CDC42SE2: variants seen among roughly 807,000 people sequenced by gnomAD.
The protein encoded by CDC42SE2 is CDC42 small effector 2, also known as CDC42 small effector protein 2.
In CDC42SE2, 3 loss-of-function variants were observed where a neutral mutation model predicts 11.5. The observed-to-expected ratio is 0.26, with a 90% CI of 0.12 to 0.67. The LOEUF (loss-of-function observed/expected upper bound fraction) is 0.67. CDC42SE2 is among the 30% of genes least tolerant of loss of function. The probability of loss-of-function intolerance (pLI) is 0.80; values close to 1 mark genes in which losing one functional copy is unlikely to be tolerated. For synonymous variants in CDC42SE2, 33 were observed against 34.8 expected (o/e 0.95, Z 0.18); for missense variants, 82 against 106.8 (o/e 0.77, Z 1.02).
chr5:131,244,626 G>A (rs975319670), upstream of CDC42SE2, among the ~76,000 whole-genome samples: 3 of 152,124 alleles, frequency 2.0e-5, no homozygotes, highest in East Asian at 1.9e-4. Context: ...CAAGAGAATC[G>A]CTTGAACCCG....
intron 2 of CDC42SE2, among the ~76,000 whole-genome samples, chr5:131,339,583 G>C (rs1758660802): frequency 6.6e-6 from 1 of 152,084 alleles, no homozygotes; most frequent in Non-Finnish European, 1.5e-5. Flanking sequence ...AAGGCGGGCA[G>C]ATCATCTCAG....
intron 3 of CDC42SE2, among the ~76,000 whole-genome samples, chr5:131,364,409 G>A (rs1241186812): frequency 6.6e-6 from 1 of 152,190 alleles, no homozygotes; most frequent in Non-Finnish European, 1.5e-5. Context: ...AGAAGGCAGA[G>A]TGGCTGTGAG....
chr5:131,266,501 C>T (rs1354819828), intron 1 of CDC42SE2, among the ~76,000 whole-genome samples: 1 of 150,444 alleles, frequency 6.6e-6, no homozygotes, highest in Admixed American at 6.6e-5. Context: ...GCTCTGTCAC[C>T]CAGGCTAGAG....
intron 3 of CDC42SE2, among the ~76,000 whole-genome samples, chr5:131,380,644 C>G (rs1750294172): frequency 6.6e-6 from 1 of 152,176 alleles, no homozygotes; most frequent in Non-Finnish European, 1.5e-5. Context: ...TTCTCAGGAA[C>G]CTTGTAAGGT....
the CDC42SE2 span, among the ~76,000 whole-genome samples, chr5:131,238,124 A>AG: frequency 6.6e-6 from 1 of 151,444 alleles, no homozygotes; most frequent in Non-Finnish European, 1.5e-5. Flanking sequence ...TGCATGATGC[A>AG]TCTAAATAAA....
In CDC42SE2 at chr5:131,392,107, C is replaced by T. The variant is rs911542860; in HGVS notation, c.*1016C>T. On this transcript the variant is annotated 3_prime_UTR_variant, in exon 5 of 5. Coordinates refer to ENST00000505065, the MANE Select transcript of CDC42SE2 (RefSeq NM_001375635.1). The stretch of plus-strand genomic sequence containing the variant: ...GTTTAATCAGTATGGATCTGATCTT[C>T]GCATGATCTTTTTTGTGAATGCTAA... 3.3e-5 allele frequency: 5 copies of T among 152,540 alleles called. No individual in the cohort carries two copies. The highest frequency in any genetic ancestry group is 2.1e-4 in the South Asian group (1 of 4,824). 9.4% of individuals were successfully genotyped at this position (152,540 alleles called of 1,614,324 possible).
intron 2 of CDC42SE2, among the ~76,000 whole-genome samples, chr5:131,340,480 A>T (rs73786652): frequency 0.017 from 2,620 of 152,226 alleles, 72 homozygotes; most frequent in African/African-American, 0.06. Context: ...GTTAAGAGGG[A>T]ACTACTGTAT....
rs189481109 is a variant in CDC42SE2 at position 131,346,373 on chromosome 5, C to G, written c.-285-12836C>G. On this transcript the variant is annotated intron_variant, in intron 2 of 4. Transcript: ENST00000505065. ...CAATCCTAGTCTCTGATAAAACAGA[C>G]TTTAAACCAACAAAGATCAAAAGAG... Among the ~76,000 whole-genome samples, 100 of 152,244 alleles carry G rather than the reference C, an allele frequency of 6.6e-4. No homozygotes were observed. The East Asian group carries it at 0.019, about 28-fold the overall frequency.
intron 3 of CDC42SE2, among the ~76,000 whole-genome samples, chr5:131,368,703 A>G (rs1749931672): frequency 6.6e-6 from 1 of 152,142 alleles, no homozygotes; most frequent in East Asian, 1.9e-4. Context: ...CTGTGTACCC[A>G]TCTCTCAGCT....
At chr5:131,245,507 A>G (rs1391434410) in exon 1 of CDC42SE2, 2 of 152,236 alleles carry the variant, frequency 1.3e-5, no homozygotes, top group African/African-American at 4.8e-5. Flanking sequence ...GTTGTCACAC[A>G]CTGCTGTCCC....
intron 1 of CDC42SE2, among the ~76,000 whole-genome samples, chr5:131,250,701 A>G (rs149222066): frequency 7.6e-4 from 115 of 152,308 alleles, no homozygotes; most frequent in South Asian, 6.4e-3. Flanking sequence ...AACATATAAT[A>G]AAAAGAGTGA....
At chr5:131,243,353 G>A (rs1359355824), upstream of CDC42SE2, among the ~76,000 whole-genome samples, 1 of 152,194 alleles carries the variant, frequency 6.6e-6, no homozygotes, top group Admixed American at 6.5e-5. Flanking sequence ...GCCAAGGTGG[G>A]TGGATCACGA....
intron 2 of CDC42SE2, among the ~76,000 whole-genome samples, chr5:131,343,740 T>A (rs1580767580): frequency 8.9e-5 from 13 of 145,316 alleles, no homozygotes; most frequent in Non-Finnish European, 3.0e-5. Context: ...GAGAGAGAGA[T>A]GGAAGAGGCA....
At chr5:131,257,426 A>G (rs879768473) in intron 2 of CDC42SE2, among the ~76,000 whole-genome samples, 1 of 151,338 alleles carries the variant, frequency 6.6e-6, no homozygotes, top group Non-Finnish European at 1.5e-5. Context: ...TGAAAGCAAC[A>G]TGTATATCTC....
rs577511914 is a variant in CDC42SE2, at chr5:131,270,434, T to C, written c.-455+6268T>C. 5.2e-4 allele frequency among the ~76,000 whole-genome samples: 79 copies of C among 152,324 alleles called. 1 individual carries two copies. In the South Asian group the frequency reaches 0.016, roughly 31 times the overall value. On this transcript the variant is annotated intron_variant, in intron 1 of 4. Transcript: ENST00000505065. Reference sequence around the variant, plus strand: ...AAAATTATTTTTGTTTCATTTGACTTAATAAAACTTTCACTTTTTGTTTAG... The same window carrying C: ...AAAATTATTTTTGTTTCATTTGACTCAATAAAACTTTCACTTTTTGTTTAG...
At chr5:131,299,112 A>C (rs772425359) in intron 1 of CDC42SE2, among the ~76,000 whole-genome samples, 2 of 152,184 alleles carry the variant, frequency 1.3e-5, no homozygotes, top group Admixed American at 6.6e-5. Flanking sequence ...ATCAAATGGA[A>C]GAGGTAGTAA....
chr5:131,221,131 C>A, the CDC42SE2 span, among the ~76,000 whole-genome samples: 1 of 152,072 alleles, frequency 6.6e-6, no homozygotes, highest in African/African-American at 2.4e-5. Flanking sequence ...TGCGAGCCAC[C>A]CGCCTTGGCC....
chr5:131,305,244 G>C (rs1159728542), intron 1 of CDC42SE2, among the ~76,000 whole-genome samples: 1 of 152,118 alleles, frequency 6.6e-6, no homozygotes, highest in Admixed American at 6.6e-5. Context: ...CCATTCTCCA[G>C]TTGATGAATT....
At chr5:131,355,072 A>G (rs771927045) in intron 2 of CDC42SE2, among the ~76,000 whole-genome samples, 17 of 152,182 alleles carry the variant, frequency 1.1e-4, no homozygotes, top group Non-Finnish European at 1.0e-4. Context: ...GTTCAGTAGG[A>G]TAAGTATAAA....
Sources: allele counts gnomAD v4.1 joint callset (sites outside exome capture counted in the v4.1 genomes callset), GRCh38; gene constraint gnomAD v4.1.1; transcripts MANE v1.5; gene names NCBI Gene and HGNC (gene_info 2026-07-23, HGNC 2026-07-21).